Variants in MSI2 observed in about 807,000 individuals in gnomAD.
The protein encoded by MSI2 is musashi RNA binding protein 2, also known as RNA-binding protein Musashi homolog 2.
MSI2 carries 17 observed loss-of-function variants against 45.6 expected under a neutral mutation model. The ratio of observed to expected loss-of-function variants is 0.37; its 90% confidence interval spans 0.26 to 0.56. The LOEUF (loss-of-function observed/expected upper bound fraction) is 0.56. Ranked by LOEUF, MSI2 falls within the 20% of genes least tolerant of loss-of-function variation. MSI2 has a pLI of 0.77. For missense variants in MSI2, 293 were observed against 444.2 expected, an observed-to-expected ratio of 0.66 and a Z score of 3.06; for synonymous variants, 156 against 158.2, an observed-to-expected ratio of 0.99 and a Z score of 0.11.
At chr17:57,574,862 G>A (rs532167530) in intron 7 of MSI2, among the ~76,000 whole-genome samples, 211 of 130,398 alleles carry the variant, frequency 1.6e-3, no homozygotes, top group Non-Finnish European at 2.5e-3. Flanking sequence ...ACGGAGTCTC[G>A]CTCTGTCGCC....
intron 7 of MSI2, among the ~76,000 whole-genome samples, chr17:57,589,998 A>G (rs1243020258): frequency 1.3e-5 from 2 of 152,240 alleles, no homozygotes; most frequent in Non-Finnish European, 2.9e-5. Context: ...GCAACCCATG[A>G]ATATTGCTTT....
At chr17:57,598,914 C>T (rs113077815) in intron 8 of MSI2, among the ~76,000 whole-genome samples, 9,681 of 152,232 alleles carry the variant, frequency 0.064, 383 homozygotes, top group Middle Eastern at 0.11. Context: ...CCACCTGCCT[C>T]GGCCTCCCAA....
At chr17:57,564,430 T>C (rs1009181570) in intron 7 of MSI2, among the ~76,000 whole-genome samples, 2 of 152,236 alleles carry the variant, frequency 1.3e-5, no homozygotes, top group African/African-American at 4.8e-5. Context: ...GAAGCTCTGA[T>C]GTTTCTGGGC....
intron 5 of MSI2, among the ~76,000 whole-genome samples, chr17:57,318,962 TG>T (rs1567754530): frequency 6.6e-6 from 1 of 152,220 alleles, no homozygotes; most frequent in Non-Finnish European, 1.5e-5. Context: ...TTGGTGCCTG[TG>T]GCTCCAGGGC....
intron 6 of MSI2, among the ~76,000 whole-genome samples, chr17:57,498,062 A>G (rs1360673683): frequency 1.3e-5 from 2 of 152,204 alleles, no homozygotes; most frequent in African/African-American, 2.4e-5. Context: ...AAGTAAGAGA[A>G]TTCCATGAAG....
chr17:57,504,581 G>A (rs1479205188), intron 6 of MSI2, among the ~76,000 whole-genome samples: 1 of 152,174 alleles, frequency 6.6e-6, no homozygotes, highest in Admixed American at 6.5e-5. Flanking sequence ...CCAGGAAGGT[G>A]GCCATCTTGT....
intron 9 of MSI2, chr17:57,626,436 C>T (rs894696194): frequency 2.0e-5 from 3 of 152,192 alleles, no homozygotes; most frequent in African/African-American, 2.4e-5. Flanking sequence ...GAGATGGTCA[C>T]ACCAGCCCCT....
chr17:57,495,121 GCT>G (rs1223591298), intron 6 of MSI2, among the ~76,000 whole-genome samples: 1 of 152,104 alleles, frequency 6.6e-6, no homozygotes, highest in Non-Finnish European at 1.5e-5. Flanking sequence ...CTGAACTGAC[GCT>G]CTCTCTTCAG....
At chr17:57,445,358 G>C (rs1388915443) in intron 6 of MSI2, among the ~76,000 whole-genome samples, 1 of 152,182 alleles carries the variant, frequency 6.6e-6, no homozygotes, top group Non-Finnish European at 1.5e-5. Flanking sequence ...TGAGCTGTCC[G>C]ATGCTGGGGT....
intron 9 of MSI2, among the ~76,000 whole-genome samples, chr17:57,624,073 C>T (rs753970133): frequency 1.3e-5 from 2 of 152,102 alleles, no homozygotes; most frequent in African/African-American, 4.8e-5. Context: ...TCTTCTTTCT[C>T]GTTGAAGCCT....
intron 6 of MSI2, among the ~76,000 whole-genome samples, chr17:57,500,048 G>A (rs1191584408): frequency 1.3e-5 from 2 of 152,150 alleles, no homozygotes; most frequent in African/African-American, 4.8e-5. Context: ...GGGATTGGAG[G>A]CGTATTGAGG....
At chr17:57,441,015 C>T (rs914662479) in intron 6 of MSI2, among the ~76,000 whole-genome samples, 16 of 152,224 alleles carry the variant, frequency 1.1e-4, no homozygotes, top group African/African-American at 3.4e-4. Flanking sequence ...TGCCCCCTGC[C>T]GCTCTCCCAG....
At chr17:57,687,151 A>C (rs1412008041), downstream of MSI2, among the ~76,000 whole-genome samples, 1 of 151,640 alleles carries the variant, frequency 6.6e-6, no homozygotes, top group Non-Finnish European at 1.5e-5. Flanking sequence ...AACAGAAAAC[A>C]CACATTATAC....
At chr17:57,663,436 A>G (rs1912147269) in intron 11 of MSI2, among the ~76,000 whole-genome samples, 1 of 152,276 alleles carries the variant, frequency 6.6e-6, no homozygotes, top group Non-Finnish European at 1.5e-5. Flanking sequence ...TAGCCGGGAA[A>G]GGCACCCCAG....
intron 5 of MSI2, among the ~76,000 whole-genome samples, chr17:57,284,420 G>A (rs924218334): frequency 1.3e-5 from 2 of 152,050 alleles, no homozygotes; most frequent in South Asian, 2.1e-4. Context: ...AAATAAATCT[G>A]TGTGCTTTAT....
chr17:57,516,124 A>G (rs1453935380), intron 6 of MSI2, among the ~76,000 whole-genome samples: 1 of 152,198 alleles, frequency 6.6e-6, no homozygotes, highest in Admixed American at 6.5e-5. Flanking sequence ...TTGAGTAACT[A>G]TCACTACAAT....
chr17:57,433,756 G>C (rs1005253441), intron 6 of MSI2, among the ~76,000 whole-genome samples: 2 of 152,210 alleles, frequency 1.3e-5, no homozygotes, highest in East Asian at 3.8e-4. Flanking sequence ...CTTCAGAGTT[G>C]ATCAGCCCCA....
chr17:57,477,080 G>A (rs1163093918), intron 6 of MSI2, among the ~76,000 whole-genome samples: 1 of 151,896 alleles, frequency 6.6e-6, no homozygotes, highest in Non-Finnish European at 1.5e-5. Flanking sequence ...CCTTAACTGT[G>A]GAAAGGCAGG....
intron 5 of MSI2, among the ~76,000 whole-genome samples, chr17:57,301,433 G>A (rs747506251): frequency 7.9e-5 from 12 of 152,196 alleles, no homozygotes; most frequent in Non-Finnish European, 1.3e-4. Context: ...TGAGATCTCC[G>A]TGTAAATAGG....
Sources: allele counts gnomAD v4.1 joint callset (sites outside exome capture counted in the v4.1 genomes callset), GRCh38; gene constraint gnomAD v4.1.1; transcripts MANE v1.5; gene names NCBI Gene and HGNC (gene_info 2026-07-23, HGNC 2026-07-21).